Variants in SMYD3 observed in about 807,000 individuals in gnomAD.
SMYD3 encodes histone-lysine N-methyltransferase SMYD3.
A neutral mutation model predicts 57.7 loss-of-function variants in SMYD3; 36 were observed. That is an observed-to-expected ratio of 0.62 (90% confidence interval 0.48 to 0.82). The LOEUF is 0.82. Among genes scored for constraint, SMYD3 ranks in the 40% least tolerant of loss-of-function variants. SMYD3 has a pLI of 0.00. For missense variants in SMYD3, 515 were observed against 538.8 expected (o/e 0.96, Z 0.44); for synonymous variants, 211 against 195.0 (o/e 1.08, Z -0.68).
chr1:246,442,817 A>T (rs545640679), intron 1 of SMYD3, among the ~76,000 whole-genome samples: 3 of 152,132 alleles, frequency 2.0e-5, no homozygotes, highest in Non-Finnish European at 4.4e-5. Context: ...GAAGGAAGGC[A>T]AAAAGGGAAT....
rs57740230 is a variant in SMYD3, at chr1:246,282,305, C to CAAAAAAAA, written c.531+44888_531+44895dup. ...CAACATGGCAAGACCCTCATCTCTA[C>CAAAAAAAA]AAAAAAAAAAAAAAAAAAAAAAAAA... On this transcript the variant is annotated intron_variant, in intron 5 of 11. Transcript: ENST00000490107. Among the ~76,000 whole-genome samples, 32 of 67,924 alleles carry CAAAAAAAA rather than the reference C, an allele frequency of 4.7e-4. 1 individual carries two copies. Among genetic ancestry groups the CAAAAAAAA allele is most frequent in the African/African-American group, 8.8e-4 (13 of 14,712 alleles). The allele number at this position is 67,924 out of a possible 152,430, so 44.6% of individuals were successfully genotyped here. A position where few individuals can be genotyped will look rare whatever the true frequency, so the allele number is the denominator to read the frequency against.
At chr1:245,973,112 C>T (rs993227426) in intron 5 of SMYD3, among the ~76,000 whole-genome samples, 4 of 152,150 alleles carry the variant, frequency 2.6e-5, no homozygotes. Flanking sequence ...AAACTGCTGC[C>T]CTTAGCTACA....
chr1:246,142,212 AC>A (rs2061768525), intron 5 of SMYD3, among the ~76,000 whole-genome samples: 2 of 152,186 alleles, frequency 1.3e-5, no homozygotes, highest in Non-Finnish European at 2.9e-5. Flanking sequence ...ATACATACAT[AC>A]CTATGATAAA....
intron 1 of SMYD3, among the ~76,000 whole-genome samples, chr1:246,502,226 C>A (rs1447920409): frequency 6.6e-6 from 1 of 152,014 alleles, no homozygotes; most frequent in East Asian, 1.9e-4. Flanking sequence ...GCAACCTCCA[C>A]CTCCTGGGCT....
chr1:246,325,249 G>A (rs141910701), intron 5 of SMYD3, among the ~76,000 whole-genome samples: 4 of 18,254 alleles, frequency 2.2e-4, no homozygotes, highest in Admixed American at 6.4e-4. Context: ...GTCGGGGGGC[G>A]GGAAGGAGGG....
intron 5 of SMYD3, among the ~76,000 whole-genome samples, chr1:246,204,629 A>T (rs188685016): frequency 6.6e-6 from 1 of 152,218 alleles, no homozygotes; most frequent in Non-Finnish European, 1.5e-5. Flanking sequence ...TGTCACATAT[A>T]TACTCTTACA....
At chr1:246,234,078 A>G (rs1326831638) in intron 5 of SMYD3, among the ~76,000 whole-genome samples, 3 of 139,636 alleles carry the variant, frequency 2.1e-5, no homozygotes, top group East Asian at 6.0e-4. Context: ...GCACTCCTTC[A>G]ATTCACACTG....
chr1:245,956,045 T>TG, intron 5 of SMYD3: 2 of 984,960 alleles, frequency 2.0e-6, no homozygotes, highest in African/African-American at 3.5e-5. Flanking sequence ...AATGACCCTA[T>TG]GTTCATTACT....
intron 10 of SMYD3, among the ~76,000 whole-genome samples, chr1:245,792,724 A>C (rs1403482248): frequency 6.6e-6 from 1 of 152,156 alleles, no homozygotes; most frequent in Non-Finnish European, 1.5e-5. Flanking sequence ...GCTTCTTTAC[A>C]AACAGTAGCT....
chr1:245,831,878 C>T (rs1335615857), intron 10 of SMYD3, among the ~76,000 whole-genome samples: 1 of 152,182 alleles, frequency 6.6e-6, no homozygotes, highest in Non-Finnish European at 1.5e-5. Flanking sequence ...ATCTTGGTTC[C>T]TAATTTGGGC....
intron 5 of SMYD3, among the ~76,000 whole-genome samples, chr1:245,991,640 C>T (rs2058816010): frequency 6.6e-6 from 1 of 152,228 alleles, no homozygotes; most frequent in South Asian, 2.1e-4. Context: ...GGTTACTTGC[C>T]AGGAGGGCTT....
chr1:246,408,646 C>T (rs2066907799), intron 1 of SMYD3, among the ~76,000 whole-genome samples: 1 of 150,840 alleles, frequency 6.6e-6, no homozygotes, highest in Non-Finnish European at 1.5e-5. Context: ...ATCCTAATCC[C>T]TATCTCAGAA....
At chr1:245,846,839 T>C (rs145926978) in intron 10 of SMYD3, among the ~76,000 whole-genome samples, 1 of 152,374 alleles carries the variant, frequency 6.6e-6, no homozygotes, top group East Asian at 1.9e-4. Flanking sequence ...TTATCTCACG[T>C]TGGGAGGACA....
chr1:246,181,844 A>G (rs558226134), intron 5 of SMYD3, among the ~76,000 whole-genome samples: 14 of 151,810 alleles, frequency 9.2e-5, no homozygotes, highest in African/African-American at 3.4e-4. Flanking sequence ...GAAGCCAGGT[A>G]GAGAGATTTG....
intron 5 of SMYD3, among the ~76,000 whole-genome samples, chr1:246,101,655 C>T (rs1039702414): frequency 1.3e-5 from 2 of 152,062 alleles, no homozygotes; most frequent in African/African-American, 2.4e-5. Flanking sequence ...TGTTCATATG[C>T]GGTTAGGTTC....
intron 5 of SMYD3, among the ~76,000 whole-genome samples, chr1:246,058,236 AAGAGTCCATGG>A (rs1181181797): frequency 1.3e-5 from 2 of 152,146 alleles, no homozygotes; most frequent in African/African-American, 2.4e-5. Flanking sequence ...GGTGATAATG[AAGAGTCCATGG>A]AGGTTCATCA....
chr1:245,757,471 TTGG>T (rs1310346636), intron 11 of SMYD3, among the ~76,000 whole-genome samples: 1 of 152,098 alleles, frequency 6.6e-6, no homozygotes, highest in East Asian at 1.9e-4. Flanking sequence ...GCCTGTAGCT[TTGG>T]TGCCATATCC....
chr1:246,282,438 G>A (rs2064472804), intron 5 of SMYD3, among the ~76,000 whole-genome samples: 1 of 151,088 alleles, frequency 6.6e-6, no homozygotes, highest in Non-Finnish European at 1.5e-5. Context: ...GGTCGGGGCT[G>A]CAGTGAGCTG....
intron 1 of SMYD3, among the ~76,000 whole-genome samples, chr1:246,383,299 G>A (rs2066419547): frequency 6.6e-6 from 1 of 152,210 alleles, no homozygotes; most frequent in Admixed American, 6.5e-5. Context: ...GTAGATCAGA[G>A]ATCTCAATAT....
Sources: allele counts gnomAD v4.1 joint callset (sites outside exome capture counted in the v4.1 genomes callset), GRCh38; gene constraint gnomAD v4.1.1; transcripts MANE v1.5; gene names NCBI Gene and HGNC (gene_info 2026-07-23, HGNC 2026-07-21).